S1PR5: variants seen among roughly 807,000 people sequenced by gnomAD.
S1PR5 encodes the protein sphingosine-1-phosphate receptor 5.
For synonymous variants in S1PR5, 307 were observed against 284.7 expected (o/e 1.08, Z -0.79); for missense variants, 583 against 571.7 (o/e 1.02, Z -0.20).
In S1PR5 at chr19:10,514,061, G is replaced by A. The variant is rs1374815550; in HGVS notation, c.951C>T (p.Leu317=). The A allele has an allele frequency of 6.2e-7, 1 of 1,612,430 alleles. No individual in the cohort carries two copies. Residue 317 remains leucine, a synonymous_variant, in exon 2 of 2, where the codon CTC becomes CTT. Coordinates refer to ENST00000333430, the MANE Select transcript of S1PR5 (RefSeq NM_030760.5). ...TLTNRDLRHA[L]LRLVCCGRHS... The stretch of plus-strand genomic sequence containing the variant: ...GGCGTCCGCAGCAGACCAGGCGCAG[G>A]AGCGCGTGGCGCAGGTCGCGGTTGG...
chr19:10,515,735 C>T (rs1342659529), intron 1 of S1PR5, among the ~76,000 whole-genome samples: 2 of 151,906 alleles, frequency 1.3e-5, no homozygotes, highest in Admixed American at 6.6e-5. Context: ...TCGAGATTAG[C>T]CTGGACAACA....
At position 10,513,957 on chromosome 19, in the gene S1PR5, A is replaced by G; in HGVS notation, c.1055T>C (p.Leu352Pro). 1 of 1,599,414 alleles carries G rather than the reference A, an allele frequency of 6.3e-7. No individual in the cohort carries two copies. The highest frequency in any genetic ancestry group is 8.5e-7 in the Non-Finnish European group (1 of 1,174,178). Residue 352 changes from leucine (L) to proline (P), a missense_variant, in exon 2 of 2, where the codon CTG becomes CCG. Physicochemically the swap from Leu to Pro is moderately conservative, Grantham distance 98 (BLOSUM62 -3). Transcript: ENST00000333430. ...AEASGGLRRCLPPGLDGSFSG... is the reference protein window; with the variant it reads ...AEASGGLRRCPPPGLDGSFSG... ...GAAGCTCCCATCAAGGCCCGGGGGC[A>G]GGCAGCGGCGCAGGCCCCCGGAAGC...
Position 10,513,654 on chromosome 19 carries a change from C to T in S1PR5, c.*161G>A. ...GCAGAACGTCAATTCCACGAGGGCA[C>T]AGATTTTTTGTCTGTTTGTTCACAT... On this transcript the variant is annotated 3_prime_UTR_variant, in exon 2 of 2. Coordinates refer to ENST00000333430, the MANE Select transcript of S1PR5 (RefSeq NM_030760.5). The T allele has an allele frequency of 9.9e-7, 1 of 1,011,858 alleles. No individual in the cohort carries two copies. The allele number at this position is 1,011,858 out of a possible 1,614,324, so 62.7% of individuals were successfully genotyped here.
In S1PR5 at chr19:10,514,504, C is replaced by A. The variant is rs765577859; in HGVS notation, c.508G>T (p.Ala170Ser). The A allele has an allele frequency of 3.8e-6, 6 of 1,599,960 alleles. No individual in the cohort carries two copies. In the African/African-American group the frequency reaches 8.0e-5, roughly 21 times the overall value. ...GVSLLLGLLP[A>S]LGWNCLGRLD... ...CGACCCAGGCAATTCCAGCCCAGCG[C>A]TGGCAGGAGCCCGAGGAGCAGCGAC... Residue 170 changes from alanine (A) to serine (S), a missense_variant, in exon 2 of 2, where the codon GCG (alanine) becomes TCG (serine). Coordinates refer to ENST00000333430, the MANE Select transcript of S1PR5 (RefSeq NM_030760.5).
At chr19:10,516,699 C>A (rs1295479367) in intron 1 of S1PR5, among the ~76,000 whole-genome samples, 1 of 151,050 alleles carries the variant, frequency 6.6e-6, no homozygotes, top group African/African-American at 2.4e-5. Flanking sequence ...AAGAGGCAAA[C>A]AGACTCTTAC....
chr19:10,515,191 G>C (rs1915406596), intron 1 of S1PR5, among the ~76,000 whole-genome samples, 162 bp from the exon 2 acceptor site: 1 of 152,194 alleles, frequency 6.6e-6, no homozygotes, highest in Non-Finnish European at 1.5e-5. Flanking sequence ...CGTGGAGACA[G>C]ACATACACAC....
intron 1 of S1PR5, among the ~76,000 whole-genome samples, chr19:10,516,646 C>T (rs10416139): frequency 0.26 from 38,504 of 148,418 alleles, 5,307 homozygotes; most frequent in African/African-American, 0.32. Context: ...CCTATTCACT[C>T]ATTTTACTAA....
chr19:10,517,576 C>T, upstream of S1PR5: 3 of 985,332 alleles, frequency 3.0e-6, no homozygotes, highest in South Asian at 1.4e-4. Context: ...CCATGGCTGC[C>T]AGCCTGTGCC....
At position 10,514,850 on chromosome 19, in the gene S1PR5, A is replaced by G. The variant is rs779930744; in HGVS notation, c.162T>C (p.Asn54=). 41 of 1,612,890 alleles carry G rather than the reference A, an allele frequency of 2.5e-5. No homozygotes were observed. The highest frequency in any genetic ancestry group is 3.4e-5 in the Non-Finnish European group (40 of 1,179,728). The part of the protein sequence containing the change: ...LAVCAFIVLE[N]LAVLLVLGRH... ...GTCCGAGCACCAACAACACGGCTAGATTCTCTAGCACGATGAAGGCGCACA... is the reference window on the plus strand; with the variant it reads ...GTCCGAGCACCAACAACACGGCTAGGTTCTCTAGCACGATGAAGGCGCACA... The change falls in exon 2 of 2, where the codon AAT becomes AAC. Residue 54 remains asparagine (N), a synonymous_variant. Coordinates refer to ENST00000333430, the MANE Select transcript of S1PR5 (RefSeq NM_030760.5).
rs142753590 is a variant in S1PR5 at position 10,513,018 on chromosome 19, C to T, written c.*797G>A. 3.9e-5 allele frequency: 6 copies of T among 152,314 alleles called. No homozygotes were observed. The highest frequency in any genetic ancestry group is 1.2e-4 in the African/African-American group (5 of 41,574). 9.4% of individuals were successfully genotyped at this position (152,314 alleles called of 1,614,324 possible). A position where few individuals can be genotyped will look rare whatever the true frequency, so the allele number is the denominator to read the frequency against. Reference sequence around the variant, plus strand: ...TCCCAGAGTCAAATTTGGGGGTGCCCCACCCTTGGCATTGTCCTTGATAAC... The same window carrying T: ...TCCCAGAGTCAAATTTGGGGGTGCCTCACCCTTGGCATTGTCCTTGATAAC... On this transcript the variant is annotated 3_prime_UTR_variant, in exon 2 of 2. Coordinates refer to ENST00000333430, the MANE Select transcript of S1PR5 (RefSeq NM_030760.5).
At chr19:10,515,885 T>C (rs892042) in intron 1 of S1PR5, among the ~76,000 whole-genome samples, 11,145 of 151,808 alleles carry the variant, frequency 0.073, 638 homozygotes, top group South Asian at 0.23. Flanking sequence ...TGAGCATTGA[T>C]TGTGCCACTG....
At chr19:10,515,113 C>T in intron 1 of S1PR5, 84 bp from the exon 2 acceptor site, 3 of 1,493,054 alleles carry the variant, frequency 2.0e-6, no homozygotes, top group Non-Finnish European at 2.7e-6. Flanking sequence ...GGAAAGGGGC[C>T]CTACCCACTG....
Position 10,514,985 on chromosome 19 carries a change from C to A in S1PR5, c.27G>T (p.Ala9=). MESGLLRP[A]PVSEVIVLHY... ...GCAGGACGATGACCTCGCTCACCGG[C>A]GCCGGCCGCAGCAGCCCCGACTCCA... Residue 9 remains alanine, a synonymous_variant, in exon 2 of 2, where the codon GCG becomes GCT. Transcript: ENST00000333430. 1 of 1,576,368 alleles carries A rather than the reference C, an allele frequency of 6.3e-7. No homozygotes were observed. The highest frequency in any genetic ancestry group is 1.1e-5 in the South Asian group (1 of 88,010).
chr19:10,515,900 C>A (rs1262045039), intron 1 of S1PR5, among the ~76,000 whole-genome samples: 4 of 151,840 alleles, frequency 2.6e-5, no homozygotes, highest in Admixed American at 6.6e-5. Context: ...CCACTGTACT[C>A]CAGCCAGGAC....
chr19:10,515,071 T>G (rs1274148299), intron 1 of S1PR5, 42 bp from the exon 2 acceptor site: 1 of 1,505,914 alleles, frequency 6.6e-7, no homozygotes, highest in South Asian at 1.3e-5. Context: ...GCGGTCCCCG[T>G]AAGCACGCTC....
chr19:10,513,898 C>T lies in S1PR5; in HGVS notation c.1114G>A (p.Gly372Arg), dbSNP rs555481115. ...CCTGTGGAGCCGCTGGTGTCCAGCC[C>T]GTCGCGCTGGGGCGATGAGCGCTCC... ...GSERSSPQRD[G>R]LDTSGSTGSP... Residue 372 changes from glycine to arginine, a missense_variant, in exon 2 of 2, where the codon GGG becomes AGG. Transcript: ENST00000333430. 1.2e-6 allele frequency: 2 copies of T among 1,610,206 alleles called. No individual in the cohort carries two copies. The highest frequency in any genetic ancestry group is 1.3e-5 in the African/African-American group (1 of 74,782).
chr19:10,515,092 G>A, intron 1 of S1PR5, 63 bp from the exon 2 acceptor site: 1 of 1,501,064 alleles, frequency 6.7e-7, no homozygotes, highest in Non-Finnish European at 8.8e-7. Flanking sequence ...GCAGCAGCCG[G>A]CTAAGTCGTG....
In S1PR5 at chr19:10,514,331, C is replaced by G. The variant is rs1264712711; in HGVS notation, c.681G>C (p.Pro227=). 21 of 1,563,662 alleles carry G rather than the reference C, an allele frequency of 1.3e-5. No homozygotes were observed. Among genetic ancestry groups the G allele is most frequent in the Non-Finnish European group, 1.8e-5 (21 of 1,155,670 alleles). The part of the protein sequence containing the change: ...CQVRANARRL[P]ARPGTAGTTS... ...TGGTCCCCGCAGTCCCGGGCCGTGC[C>G]GGCAGGCGCCGCGCGTTGGCGCGTA... is the stretch of plus-strand genomic sequence containing the variant. The change falls in exon 2 of 2, where the codon CCG becomes CCC. Residue 227 remains proline (P), a synonymous_variant. Transcript: ENST00000333430.
intron 1 of S1PR5, among the ~76,000 whole-genome samples, chr19:10,516,450 T>A (rs536402934): frequency 1.3e-4 from 19 of 151,542 alleles, no homozygotes; most frequent in African/African-American, 4.6e-4. Flanking sequence ...TACAAAAAAA[T>A]TTAAAAATTA....
Sources: gnomAD v4.1 joint callset for allele counts (sites outside exome capture counted in the v4.1 genomes callset) on GRCh38, gnomAD v4.1.1 for gene constraint, MANE v1.5 for transcripts, NCBI Gene and HGNC (gene_info 2026-07-23, HGNC 2026-07-21) for gene names.